RERE: variants seen among roughly 807,000 people sequenced by gnomAD.
The protein encoded by RERE is arginine-glutamic acid dipeptide repeats protein.
RERE carries 40 observed loss-of-function variants against 146.1 expected under a neutral mutation model. That is an observed-to-expected ratio of 0.27 (90% CI 0.21 to 0.36). The LOEUF is 0.36. Ranked by LOEUF, RERE falls within the 10% of genes least tolerant of loss-of-function variation. The probability of loss-of-function intolerance (pLI) is 1.00; values close to 1 mark genes in which losing one functional copy is unlikely to be tolerated. For synonymous variants in RERE, 1,003 were observed against 866.0 expected (o/e 1.16, Z -2.78); for missense variants, 1,933 against 2,138.7 (o/e 0.90, Z 1.90).
At position 8,681,722 on chromosome 1, in the gene RERE, C is replaced by T. The variant is rs759229831; in HGVS notation, c.-144-25281G>A. Among the ~76,000 whole-genome samples the T allele has an allele frequency of 3.3e-5, 5 of 152,002 alleles. 1 individual carries two copies. Among genetic ancestry groups the T allele is most frequent in the Non-Finnish European group, 7.4e-5 (5 of 67,990 alleles). The stretch of plus-strand genomic sequence containing the variant: ...ATTTATCTATAATACTAGAGATCAA[C>T]AAAGAAATTAAACTGAAATAGGTAC... On this transcript the variant is annotated intron_variant, in intron 1 of 22. Coordinates refer to ENST00000400908, the MANE Select transcript of RERE (RefSeq NM_001042681.2).
intron 7 of RERE, among the ~76,000 whole-genome samples, chr1:8,509,425 C>T (rs1236819095): frequency 1.2e-5 from 1 of 84,934 alleles, no homozygotes; most frequent in African/African-American, 3.0e-5. Flanking sequence ...TCCATCCATC[C>T]ATCCATCCAT....
rs145957667 is a variant in RERE at position 8,659,285 on chromosome 1, G to A, written c.-144-2844C>T. ...GAAAGAAAACTATCAGGCCAGGGGC[G>A]GTGGCTCATGCCTGTCATCCCAGCA... is the stretch of plus-strand genomic sequence containing the variant. On this transcript the variant is annotated intron_variant, in intron 1 of 22. Transcript: ENST00000400908. Among the ~76,000 whole-genome samples the A allele has an allele frequency of 2.6e-4, 40 of 152,314 alleles. 2 individuals are homozygous for A. In the East Asian group the frequency reaches 7.2e-3, roughly 27 times the overall value.
At chr1:8,767,090 A>G (rs1640863468) in intron 1 of RERE, among the ~76,000 whole-genome samples, 1 of 152,202 alleles carries the variant, frequency 6.6e-6, no homozygotes, top group Non-Finnish European at 1.5e-5. Flanking sequence ...TGGACTTTAA[A>G]CTTTTTAACA....
intron 1 of RERE, among the ~76,000 whole-genome samples, chr1:8,745,392 T>C (rs1557517396): frequency 6.6e-6 from 1 of 152,238 alleles, no homozygotes; most frequent in East Asian, 1.9e-4. Context: ...TATTTCTTTA[T>C]AGCAGTGCAA....
At chr1:8,400,746 A>G (rs1375576323) in intron 12 of RERE, among the ~76,000 whole-genome samples, 4 of 149,094 alleles carry the variant, frequency 2.7e-5, no homozygotes, top group African/African-American at 4.9e-5. Flanking sequence ...GCTCACGCCT[A>G]AAGTCCCAGA....
At chr1:8,519,681 C>T (rs1224747506) in intron 7 of RERE, 1 of 152,136 alleles carries the variant, frequency 6.6e-6, no homozygotes, top group Non-Finnish European at 1.5e-5. Flanking sequence ...GCTAATCCTG[C>T]TATTATGAGT....
At chr1:8,372,542 G>GTGTGTGTGTGTGTGTGT (rs370585099) in intron 12 of RERE, among the ~76,000 whole-genome samples, 1 of 150,766 alleles carries the variant, frequency 6.6e-6, no homozygotes, top group Admixed American at 6.6e-5. Context: ...GTGTGTGTGT[G>GTGTGTGTGTGTGTGTGT]TTTTAAATTA....
intron 10 of RERE, among the ~76,000 whole-genome samples, chr1:8,473,505 A>G (rs1644716657): frequency 6.6e-6 from 1 of 152,216 alleles, no homozygotes; most frequent in Admixed American, 6.5e-5. Context: ...TGGCTCCACT[A>G]TAACAAAAGT....
Position 8,681,324 on chromosome 1 carries a change from G to C in RERE, c.-144-24883C>G, listed in dbSNP as rs2124396742. ...TATACTAAATTATGTATAATAACCG[G>C]GGAGTCTTTCTCTTAATATTTTTGT... is the stretch of plus-strand genomic sequence containing the variant. On this transcript the variant is annotated intron_variant, in intron 1 of 22. Transcript: ENST00000400908. 1.3e-5 allele frequency among the ~76,000 whole-genome samples: 2 copies of C among 152,236 alleles called. 1 individual carries two copies. The highest frequency in any genetic ancestry group is 2.9e-5 in the Non-Finnish European group (2 of 68,022).
At position 8,711,157 on chromosome 1, in the gene RERE, C is replaced by CAAAA. The variant is rs57814312; in HGVS notation, c.-144-54720_-144-54717dup. On this transcript the variant is annotated intron_variant, in intron 1 of 22. Coordinates refer to ENST00000400908, the MANE Select transcript of RERE (RefSeq NM_001042681.2). ...GGGTGACAGAGTGTGACTCTGTCTCCAAAAAAAAAAAAAAAAAAAAAAAAA... is the reference window on the plus strand; with the variant it reads ...GGGTGACAGAGTGTGACTCTGTCTCCAAAAAAAAAAAAAAAAAAAAAAAAAAAAA... 2.8e-3 allele frequency among the ~76,000 whole-genome samples: 191 copies of CAAAA among 68,266 alleles called. 8 individuals carry two copies. Among genetic ancestry groups the CAAAA allele is most frequent in the South Asian group, 0.019 (23 of 1,218 alleles). 44.8% of individuals were successfully genotyped at this position (68,266 alleles called of 152,430 possible). A position where few individuals can be genotyped will look rare whatever the true frequency, so the allele number is the denominator to read the frequency against.
intron 11 of RERE, among the ~76,000 whole-genome samples, chr1:8,461,511 G>A (rs1303719534): frequency 6.6e-6 from 1 of 152,056 alleles, no homozygotes; most frequent in African/African-American, 2.4e-5. Context: ...ACAGACACTC[G>A]GCAAAAGCAA....
At chr1:8,675,738 TATACATACATAC>T (rs59265268) in intron 1 of RERE, among the ~76,000 whole-genome samples, 111 of 147,892 alleles carry the variant, frequency 7.5e-4, no homozygotes, top group East Asian at 3.7e-3. Context: ...TACATACATA[TATACATACATAC>T]ATACATACAT....
intron 10 of RERE, among the ~76,000 whole-genome samples, chr1:8,487,238 A>G (rs1570320799): frequency 1.3e-5 from 2 of 152,316 alleles, no homozygotes; most frequent in South Asian, 2.1e-4. Context: ...CCCATTCACA[A>G]TAAAAACTCA....
intron 12 of RERE, among the ~76,000 whole-genome samples, chr1:8,406,690 C>T (rs2748456): frequency 0.2 from 29,663 of 152,056 alleles, 3,390 homozygotes; most frequent in Middle Eastern, 0.4. Flanking sequence ...TCAAGGGTTA[C>T]ACACAAAATA....
rs1186718390 is a variant in RERE at position 8,369,508 on chromosome 1, T to TAAAAAAAAAA, written c.1285-3544_1285-3535dup. On this transcript the variant is annotated intron_variant, in intron 12 of 22. Coordinates refer to ENST00000400908, the MANE Select transcript of RERE (RefSeq NM_001042681.2). The stretch of plus-strand genomic sequence containing the variant: ...ATCGAATAAATCTTTCGCCTTTTAC[T>TAAAAAAAAAA]AAAAAAAAAAAAAAAAAAAAAAAAA... Among the ~76,000 whole-genome samples the TAAAAAAAAAA allele has an allele frequency of 2.1e-3, 159 of 76,892 alleles. 2 individuals carry two copies. Among genetic ancestry groups the TAAAAAAAAAA allele is most frequent in the African/African-American group, 4.5e-3 (106 of 23,656 alleles). The allele number at this position is 76,892 out of a possible 152,430, so 50.4% of individuals were successfully genotyped here.
chr1:8,641,481 A>C lies in RERE; in HGVS notation c.325+14492T>G, dbSNP rs1647175933. Among the ~76,000 whole-genome samples the C allele has an allele frequency of 7.9e-5, 12 of 152,340 alleles. No individual in the cohort carries two copies. The South Asian group carries it at 2.5e-3, about 32-fold the overall frequency. On this transcript the variant is annotated intron_variant, in intron 2 of 22. Transcript: ENST00000400908. ...GAGGATTTTAATATAACTGCAGGAA[A>C]TCTCAGTCCAATTAGATTCTAGGTA... is the stretch of plus-strand genomic sequence containing the variant.
Position 8,423,731 on chromosome 1 carries a change from CGCGGGGCCCGGGGGGCGCGGG to C in RERE, c.1204-945_1204-925del. 1.0e-6 allele frequency: 1 copy of C among 977,972 alleles called. No individual in the cohort carries two copies. Among genetic ancestry groups the C allele is most frequent in the Non-Finnish European group, 1.2e-6 (1 of 826,138 alleles). 60.6% of individuals were successfully genotyped at this position (977,972 alleles called of 1,614,324 possible). On this transcript the variant is annotated intron_variant, in intron 11 of 22. Transcript: ENST00000400908. The surrounding 1 kb of genome is among the most constrained non-coding windows in gnomAD (Gnocchi z 5.4). ...GTGTGACCGCGGCGGGGCCGCGCGG[CGCGGGGCCCGGGGGGCGCGGG>C]GCTGGGGCCGCCGCTGACGGGGGAG...
At chr1:8,548,518 G>A (rs1029914288) in intron 6 of RERE, among the ~76,000 whole-genome samples, 2 of 152,110 alleles carry the variant, frequency 1.3e-5, no homozygotes, top group Non-Finnish European at 2.9e-5. Context: ...CTATAAGACC[G>A]AAAACAAAAA....
intron 1 of RERE, among the ~76,000 whole-genome samples, chr1:8,742,085 G>GT (rs1640321117): frequency 6.6e-6 from 1 of 152,200 alleles, no homozygotes; most frequent in African/African-American, 2.4e-5. Context: ...TCCCAGTGTA[G>GT]TATGTATATA....
Sources: allele counts gnomAD v4.1 joint callset (sites outside exome capture counted in the v4.1 genomes callset), GRCh38; gene constraint gnomAD v4.1.1; non-coding constraint Gnocchi (gnomAD v3.1); transcripts MANE v1.5; gene names NCBI Gene and HGNC (gene_info 2026-07-23, HGNC 2026-07-21).